The following HERC1 variants were observed in gnomAD, a reference collection of about 807,000 sequenced individuals.
HERC1 encodes the protein probable E3 ubiquitin-protein ligase HERC1.
A neutral mutation model predicts 554.3 loss-of-function variants in HERC1; 160 were observed. That is an observed-to-expected ratio of 0.29 (90% CI 0.25 to 0.33). The LOEUF is 0.33. HERC1 is among the 10% of genes least tolerant of loss of function. The probability of loss-of-function intolerance (pLI) is 1.00; values close to 1 mark genes in which losing one functional copy is unlikely to be tolerated. For synonymous variants in HERC1, 2,175 were observed against 2,131.7 expected, an observed-to-expected ratio of 1.02 and a Z score of -0.56; for missense variants, 4,919 against 5,918.5, an observed-to-expected ratio of 0.83 and a Z score of 5.54.
At chr15:63,738,536 C>G (rs753518306) in intron 12 of HERC1, among the ~76,000 whole-genome samples, 59 of 151,976 alleles carry the variant, frequency 3.9e-4, no homozygotes, top group Non-Finnish European at 3.8e-4. Context: ...TTCCTTAAGT[C>G]TACAGGTAGT....
Position 63,775,598 on chromosome 15 carries a change from T to C in HERC1, c.26A>G (p.Lys9Arg). ...GTTCAAGTGTTCAAGCCATTTCAGC[T>C]TCACTGGTGGAATCATAGTTGCCAT... MATMIPPV[K>R]LKWLEHLNSS... The change falls in exon 2 of 78, where the codon AAG becomes AGG. Residue 9 changes from lysine to arginine, a missense_variant. Coordinates refer to ENST00000443617, the MANE Select transcript of HERC1 (RefSeq NM_003922.4). The surrounding 1 kb of genome is among the most constrained non-coding windows in gnomAD (Gnocchi z 4.0). 1 of 1,603,416 alleles carries C rather than the reference T, an allele frequency of 6.2e-7. No homozygotes were observed. The highest frequency in any genetic ancestry group is 8.5e-7 in the Non-Finnish European group (1 of 1,175,680).
intron 1 of HERC1, among the ~76,000 whole-genome samples, chr15:63,826,906 A>G (rs2077957002): frequency 1.4e-5 from 2 of 145,256 alleles, no homozygotes; most frequent in African/African-American, 5.0e-5. Context: ...AAATTGGTAT[A>G]CTTGTGGAGG....
intron 4 of HERC1, among the ~76,000 whole-genome samples, chr15:63,757,907 AC>A (rs1340602103): frequency 5.9e-5 from 9 of 151,510 alleles, no homozygotes; most frequent in African/African-American, 1.7e-4. Flanking sequence ...ATAGGGTTTC[AC>A]CATATTGGCC....
In HERC1 at chr15:63,636,007, C is replaced by T. The variant is rs1339344507; in HGVS notation, c.12368G>A (p.Arg4123Gln). The T allele has an allele frequency of 2.5e-6, 4 of 1,613,906 alleles. No homozygotes were observed. The highest frequency in any genetic ancestry group is 1.7e-6 in the Non-Finnish European group (2 of 1,179,882). ...TAAGGCCTCGATCTGCCTGGGCCGC[C>T]GCTGCCTGTCGCTGTTCCCATGGCC... ...KLGHGNSDRQ[R>Q]RPRQIEALQG... Residue 4123 changes from arginine to glutamine, a missense_variant, in exon 65 of 78, where the codon CGG becomes CAG. By Grantham distance (43) the Arg-to-Gln change is conservative. Transcript: ENST00000443617.
Position 63,727,863 on chromosome 15 carries a change from T to C in HERC1, c.3155-25A>G, listed in dbSNP as rs749164025. 6 of 1,582,978 alleles carry C rather than the reference T, an allele frequency of 3.8e-6. No individual in the cohort carries two copies. The highest frequency in any genetic ancestry group is 5.2e-6 in the Non-Finnish European group (6 of 1,156,516). ...TCTATGAAGGGCAAGAAATTAAACA[T>C]GGGACAATTGCTTCAAATGAACTTT... On this transcript the variant is annotated intron_variant, in intron 16 of 77. Transcript: ENST00000443617. The surrounding 1 kb of genome is among the most constrained non-coding windows in gnomAD (Gnocchi z 4.3).
In HERC1 at chr15:63,628,744, C is replaced by T; in HGVS notation, c.13038G>A (p.Arg4346=). Residue 4346 remains arginine, a synonymous_variant, in exon 70 of 78, where the codon CGG becomes CGA. Transcript: ENST00000443617. ...TGTGGCAGCGGCCAGCCGAGATCTG[C>T]CGAACATTTTTCCCTTGCAGACCTG... is the stretch of plus-strand genomic sequence containing the variant. The part of the protein sequence containing the change: ...LVTGLQGKNV[R]QISAGRCHSA... The T allele has an allele frequency of 6.2e-7, 1 of 1,613,974 alleles. No individual in the cohort carries two copies.
rs1302241148 is a variant in HERC1, at chr15:63,718,784, G to A, written c.3856C>T (p.Arg1286Ter). Residue 1286 changes from arginine to a stop codon, truncating the protein, a stop_gained and splice_region_variant, in exon 20 of 78, where the codon CGA (arginine) becomes TGA (stop). Transcript: ENST00000443617. LOFTEE classifies it high-confidence loss of function. The surrounding 1 kb of genome is among the most constrained non-coding windows in gnomAD (Gnocchi z 4.2). The part of the protein sequence containing the change: ...NLLSQACGES[R>*]YQPGKHLSEV... ...TGAGGATAGTTTTAAGTTACTTGCC[G>A]GCTTTCTCCACATGCTTGACTAAGT... The A allele has an allele frequency of 1.2e-6, 2 of 1,610,904 alleles. No homozygotes were observed. Among genetic ancestry groups the A allele is most frequent in the Non-Finnish European group, 1.7e-6 (2 of 1,177,976 alleles).
At chr15:63,765,590 C>A (rs1047796961) in intron 2 of HERC1, among the ~76,000 whole-genome samples, 4 of 152,188 alleles carry the variant, frequency 2.6e-5, no homozygotes, top group African/African-American at 9.7e-5. Flanking sequence ...ACCTCTCCCA[C>A]AACTCCTTAT....
intron 12 of HERC1, among the ~76,000 whole-genome samples, chr15:63,746,336 C>T (rs1433943368): frequency 6.6e-6 from 1 of 151,996 alleles, no homozygotes; most frequent in East Asian, 1.9e-4. Flanking sequence ...TCTATTATTA[C>T]CTACCAAAAG....
At chr15:63,814,174 C>A (rs2077419559) in intron 1 of HERC1, among the ~76,000 whole-genome samples, 1 of 152,156 alleles carries the variant, frequency 6.6e-6, no homozygotes, top group African/African-American at 2.4e-5. Context: ...TATTAAAAAT[C>A]TGGACAACTA....
In HERC1 at chr15:63,694,204, C is replaced by T; in HGVS notation, c.5481-47G>A. The T allele has an allele frequency of 6.4e-7, 1 of 1,564,502 alleles. No individual in the cohort carries two copies. The highest frequency in any genetic ancestry group is 8.7e-7 in the Non-Finnish European group (1 of 1,154,522). ...AATAAGTGGCAAACACACAGAAGGG[C>T]AAGCATAGTGCTTAAATACATAAAG... is the stretch of plus-strand genomic sequence containing the variant. On this transcript the variant is annotated intron_variant, in intron 29 of 77. Coordinates refer to ENST00000443617, the MANE Select transcript of HERC1 (RefSeq NM_003922.4). This position sits in a 1 kb window ranked among gnomAD's most constrained non-coding sequence, Gnocchi z 4.3.
intron 54 of HERC1, among the ~76,000 whole-genome samples, 178 bp from the exon 55 acceptor site, chr15:63,648,377 C>A (rs1297949725): frequency 6.6e-6 from 1 of 152,184 alleles, no homozygotes; most frequent in East Asian, 1.9e-4. Flanking sequence ...ATGTAACATA[C>A]TTTTTAAAAG....
chr15:63,808,573 A>C (rs1450618081), intron 1 of HERC1, among the ~76,000 whole-genome samples: 2 of 152,250 alleles, frequency 1.3e-5, no homozygotes, highest in Non-Finnish European at 2.9e-5. Context: ...GGCGTGAGCC[A>C]CTGTACACTG....
intron 68 of HERC1, among the ~76,000 whole-genome samples, chr15:63,631,171 G>T (rs2068536080): frequency 6.6e-6 from 1 of 152,150 alleles, no homozygotes; most frequent in African/African-American, 2.4e-5. Flanking sequence ...ATTCTAAAAT[G>T]AGAGATCATT....
chr15:63,684,707 G>A (rs2071653681), intron 34 of HERC1, among the ~76,000 whole-genome samples: 1 of 151,440 alleles, frequency 6.6e-6, no homozygotes, highest in African/African-American at 2.5e-5. Context: ...CTTCTAGCGG[G>A]GGAAAAAAAT....
intron 18 of HERC1, among the ~76,000 whole-genome samples, chr15:63,724,770 T>C (rs944710004): frequency 5.3e-5 from 8 of 152,184 alleles, no homozygotes; most frequent in African/African-American, 1.9e-4. Context: ...GGAACTAGCC[T>C]GCCAGCAATA....
In HERC1 at chr15:63,749,811, G is replaced by A. The variant is rs555654077; in HGVS notation, c.1903-20C>T. The A allele has an allele frequency of 2.4e-5, 36 of 1,524,522 alleles. No homozygotes were observed. The highest frequency in any genetic ancestry group is 2.9e-5 in the Non-Finnish European group (33 of 1,135,966). The allele number at this position is 1,524,522 out of a possible 1,614,324, so 94.4% of individuals were successfully genotyped here. A position where few individuals can be genotyped will look rare whatever the true frequency, so the allele number is the denominator to read the frequency against. ...ATAGACCTGAAAAAAACAGAAATAC[G>A]TTACACATAACTTCCTGAGATGATT... On this transcript the variant is annotated intron_variant, in intron 8 of 77. Coordinates refer to ENST00000443617, the MANE Select transcript of HERC1 (RefSeq NM_003922.4). The surrounding 1 kb of genome is among the most constrained non-coding windows in gnomAD (Gnocchi z 4.1).
In HERC1 at chr15:63,616,445, C is replaced by T. The variant is rs1430652391; in HGVS notation, c.13926G>A (p.Glu4642=). Residue 4642 remains glutamate, a synonymous_variant, in exon 75 of 78, where the codon GAG becomes GAA. Coordinates refer to ENST00000443617, the MANE Select transcript of HERC1 (RefSeq NM_003922.4). The part of the protein sequence containing the change: ...ILHIEDSGIT[E]ESFHEMIPLD... ...CAGGATTTACCTCATGGAAACTCTCCTCGGTAATCCCACTGTCTTCAATGT... is the reference window on the plus strand; with the variant it reads ...CAGGATTTACCTCATGGAAACTCTCTTCGGTAATCCCACTGTCTTCAATGT... The T allele has an allele frequency of 6.2e-7, 1 of 1,613,420 alleles. No individual in the cohort carries two copies. The highest frequency in any genetic ancestry group is 8.5e-7 in the Non-Finnish European group (1 of 1,179,666).
At position 63,680,194 on chromosome 15, in the gene HERC1, G is replaced by C; in HGVS notation, c.6466-34C>G. On this transcript the variant is annotated intron_variant, in intron 35 of 77. Transcript: ENST00000443617. This position sits in a 1 kb window ranked among gnomAD's most constrained non-coding sequence, Gnocchi z 5.8. Reference sequence around the variant, plus strand: ...TGGCAGCAGTGAGGAAAAGAAAAAGGAAATAGAAATTTTTTTAATTCACAA... The same window carrying C: ...TGGCAGCAGTGAGGAAAAGAAAAAGCAAATAGAAATTTTTTTAATTCACAA... 1 of 1,539,304 alleles carries C rather than the reference G, an allele frequency of 6.5e-7. No homozygotes were observed. Among genetic ancestry groups the C allele is most frequent in the South Asian group, 1.2e-5 (1 of 86,572 alleles).
Sources: allele counts gnomAD v4.1 joint callset (sites outside exome capture counted in the v4.1 genomes callset), GRCh38; gene constraint gnomAD v4.1.1; non-coding constraint Gnocchi (gnomAD v3.1); transcripts MANE v1.5; gene names NCBI Gene and HGNC (gene_info 2026-07-23, HGNC 2026-07-21).